Variants in CAMK2D observed in about 807,000 individuals in gnomAD.
CAMK2D encodes calcium/calmodulin-dependent protein kinase type II subunit delta.
A neutral mutation model predicts 84.0 loss-of-function variants in CAMK2D; 37 were observed. That is an observed-to-expected ratio of 0.44 (90% CI 0.34 to 0.58). CAMK2D has a LOEUF of 0.58. Ranked by LOEUF, CAMK2D falls within the 20% of genes least tolerant of loss-of-function variation. The pLI is 0.02. For synonymous variants in CAMK2D, 202 were observed against 212.5 expected (o/e 0.95, Z 0.43); for missense variants, 448 against 652.5 (o/e 0.69, Z 3.41).
intron 2 of CAMK2D, among the ~76,000 whole-genome samples, chr4:113,752,949 G>C (rs1443634863): frequency 6.6e-6 from 1 of 152,092 alleles, no homozygotes; most frequent in Admixed American, 6.6e-5. Context: ...ATAGTGCTTT[G>C]TATGAAGGAC....
intron 2 of CAMK2D, among the ~76,000 whole-genome samples, chr4:113,664,834 G>C (rs2099251420): frequency 7.0e-6 from 1 of 142,556 alleles, no homozygotes; most frequent in Admixed American, 7.0e-5. Flanking sequence ...ACAGAGTTTT[G>C]CTCTTGTCAA....
intron 2 of CAMK2D, among the ~76,000 whole-genome samples, chr4:113,736,994 T>C (rs1008665576): frequency 4.6e-5 from 7 of 152,134 alleles, no homozygotes; most frequent in African/African-American, 1.7e-4. Context: ...TACTCCAACA[T>C]CTCTATTTAT....
intron 4 of CAMK2D, among the ~76,000 whole-genome samples, chr4:113,601,683 C>CTTTTTTTTT (rs755850795): frequency 0.031 from 1,424 of 45,894 alleles, 27 homozygotes; most frequent in African/African-American, 0.034. Flanking sequence ...ACTGTTTATT[C>CTTTTTTTTT]TTTTTTTTTT....
In CAMK2D at chr4:113,453,360, G is replaced by C. The variant is rs949104118; in HGVS notation, c.*1185C>G. 1.3e-5 allele frequency: 2 copies of C among 152,136 alleles called. No homozygotes were observed. The highest frequency in any genetic ancestry group is 4.8e-5 in the African/African-American group (2 of 41,420). The allele number at this position is 152,136 out of a possible 1,614,324, so 9.4% of individuals were successfully genotyped here. On this transcript the variant is annotated 3_prime_UTR_variant, in exon 21 of 21. Coordinates refer to ENST00000511664, the MANE Select transcript of CAMK2D (RefSeq NM_001321571.2). ...GACCCTTTCATTCCCCAAGGCGGAG[G>C]TGAGTGCGTTTGCATAAAACCCCCT... is the stretch of plus-strand genomic sequence containing the variant.
intron 18 of CAMK2D, among the ~76,000 whole-genome samples, chr4:113,458,676 C>A (rs1397230903): frequency 1.3e-5 from 2 of 152,088 alleles, no homozygotes; most frequent in Non-Finnish European, 2.9e-5. Context: ...GAGAATTTAT[C>A]AAATAGTTCT....
At chr4:113,674,068 A>G (rs1283520705) in intron 2 of CAMK2D, among the ~76,000 whole-genome samples, 4 of 152,178 alleles carry the variant, frequency 2.6e-5, no homozygotes, top group Non-Finnish European at 5.9e-5. Flanking sequence ...CCTTTACATC[A>G]CATACCTCTG....
chr4:113,694,442 G>A (rs2099397015), intron 2 of CAMK2D, among the ~76,000 whole-genome samples: 1 of 152,138 alleles, frequency 6.6e-6, no homozygotes, highest in African/African-American at 2.4e-5. Context: ...CTTTATCTAT[G>A]TCTCATAAAA....
chr4:113,688,505 C>G (rs566984117), intron 2 of CAMK2D, among the ~76,000 whole-genome samples: 1 of 152,228 alleles, frequency 6.6e-6, no homozygotes, highest in African/African-American at 2.4e-5. Flanking sequence ...AAATTTGTGT[C>G]TCTAGCCTGC....
intron 13 of CAMK2D, among the ~76,000 whole-genome samples, chr4:113,507,230 T>C (rs776291359): frequency 6.6e-6 from 1 of 151,828 alleles, no homozygotes; most frequent in Non-Finnish European, 1.5e-5. Context: ...CAAATATAAG[T>C]ATAGGTTCAA....
intron 4 of CAMK2D, among the ~76,000 whole-genome samples, chr4:113,603,691 A>AAT (rs1446502011): frequency 6.8e-6 from 1 of 146,758 alleles, no homozygotes; most frequent in South Asian, 2.1e-4. Flanking sequence ...AATAGCAAGA[A>AAT]ATATATATAT....
At chr4:113,542,836 C>T (rs139403945) in intron 6 of CAMK2D, among the ~76,000 whole-genome samples, 3 of 152,286 alleles carry the variant, frequency 2.0e-5, no homozygotes, top group African/African-American at 7.2e-5. Flanking sequence ...GTTCCCATCA[C>T]ATCTCCAAAT....
intron 17 of CAMK2D, among the ~76,000 whole-genome samples, chr4:113,462,844 AT>A (rs1316382707): frequency 3.3e-5 from 5 of 151,108 alleles, no homozygotes; most frequent in Admixed American, 6.8e-5. Flanking sequence ...AGGAAATGCT[AT>A]TGCAAAAAAA....
At chr4:113,613,329 TTACTGAGAA>T (rs2099008378) in intron 3 of CAMK2D, among the ~76,000 whole-genome samples, 1 of 152,270 alleles carries the variant, frequency 6.6e-6, no homozygotes, top group African/African-American at 2.4e-5. Flanking sequence ...GACCTTGTTC[TTACTGAGAA>T]TACTACGTGG....
intron 8 of CAMK2D, among the ~76,000 whole-genome samples, chr4:113,526,231 G>T (rs2098416270): frequency 1.3e-5 from 2 of 152,166 alleles, no homozygotes; most frequent in Admixed American, 6.5e-5. Flanking sequence ...AGTCTCTAAA[G>T]AAATGGAAAT....
At chr4:113,491,726 C>T (rs2097846500) in intron 16 of CAMK2D, among the ~76,000 whole-genome samples, 1 of 152,108 alleles carries the variant, frequency 6.6e-6, no homozygotes, top group Non-Finnish European at 1.5e-5. Context: ...GTACCAGTTC[C>T]TCCTCGTACC....
intron 6 of CAMK2D, among the ~76,000 whole-genome samples, chr4:113,540,207 A>T (rs1490879817): frequency 3.3e-5 from 5 of 152,194 alleles, no homozygotes; most frequent in African/African-American, 7.2e-5. Context: ...AATATATTGT[A>T]CTACAAAATT....
At chr4:113,706,795 C>T (rs1041007500) in intron 2 of CAMK2D, among the ~76,000 whole-genome samples, 5 of 152,118 alleles carry the variant, frequency 3.3e-5, no homozygotes, top group African/African-American at 4.8e-5. Context: ...GAAAACTCTA[C>T]GTAATTAATG....
intron 2 of CAMK2D, among the ~76,000 whole-genome samples, chr4:113,675,782 A>G (rs2099315911): frequency 6.6e-6 from 1 of 152,212 alleles, no homozygotes; most frequent in South Asian, 2.1e-4. Flanking sequence ...AACACCTTCC[A>G]TCTAATAGAG....
rs78916010 is a variant in CAMK2D at position 113,638,582 on chromosome 4, A to C, written c.220+23131T>G. Among the ~76,000 whole-genome samples the C allele has an allele frequency of 7.5e-3, 1,148 of 152,238 alleles. 21 individuals carry two copies. Among genetic ancestry groups the C allele is most frequent in the African/African-American group, 0.026 (1,074 of 41,528 alleles). ...GTAGAATGCAGTTGGACCACTTTAT[A>C]ACCTTAGCAAAGCGGGGTTTAAGAA... On this transcript the variant is annotated intron_variant, in intron 3 of 20. Transcript: ENST00000511664.
Sources: gnomAD v4.1 joint callset for allele counts (sites outside exome capture counted in the v4.1 genomes callset) on GRCh38, gnomAD v4.1.1 for gene constraint, MANE v1.5 for transcripts, NCBI Gene and HGNC (gene_info 2026-07-23, HGNC 2026-07-21) for gene names.